Variants in MBTPS1 observed in about 807,000 individuals in gnomAD.
MBTPS1 encodes the protein membrane-bound transcription factor site-1 protease.
A neutral mutation model predicts 127.8 loss-of-function variants in MBTPS1; 94 were observed. The observed-to-expected ratio is 0.74, with a 90% confidence interval of 0.62 to 0.87. MBTPS1 has a LOEUF of 0.87. MBTPS1 is among the 40% of genes least tolerant of loss of function. The pLI, the probability that MBTPS1 is intolerant of heterozygous loss-of-function variation, is 0.00. For missense variants in MBTPS1, 1,636 were observed against 1,353.2 expected (o/e 1.21, Z -3.28); for synonymous variants, 632 against 509.4 (o/e 1.24, Z -3.24).
At chr16:84,094,873 A>G (rs747614568) in intron 4 of MBTPS1, among the ~76,000 whole-genome samples, 10 of 152,230 alleles carry the variant, frequency 6.6e-5, no homozygotes, top group African/African-American at 2.2e-4. Flanking sequence ...AGGAGATCAA[A>G]GGAGAGGTAA....
rs143303420 is a variant in MBTPS1 at position 84,063,852 on chromosome 16, G to A, written c.2432-407C>T. Among the ~76,000 whole-genome samples, 8 of 152,232 alleles carry A rather than the reference G, an allele frequency of 5.3e-5. No homozygotes were observed. The East Asian group carries it at 1.4e-3, about 26-fold the overall frequency. On this transcript the variant is annotated intron_variant, in intron 18 of 22. Coordinates refer to ENST00000343411, the MANE Select transcript of MBTPS1 (RefSeq NM_003791.4). Reference sequence around the variant, plus strand: ...CCAGCAGATCTTGCTAAACACACAGGTTTCTCTATGAATACAGTCATATAT... The same window carrying A: ...CCAGCAGATCTTGCTAAACACACAGATTTCTCTATGAATACAGTCATATAT...
chr16:84,067,642 A>G (rs1158293688), intron 16 of MBTPS1, 25 bp downstream of exon 16: 1 of 1,289,760 alleles, frequency 7.8e-7, no homozygotes, highest in African/African-American at 1.5e-5. Context: ...AGTCTTATCC[A>G]AATACCAATG....
intron 1 of MBTPS1, among the ~76,000 whole-genome samples, chr16:84,102,674 T>C (rs1406418369): frequency 2.0e-5 from 3 of 152,250 alleles, no homozygotes; most frequent in Admixed American, 2.0e-4. Flanking sequence ...TTGGCACTTT[T>C]ACTTCCCACA....
intron 18 of MBTPS1, among the ~76,000 whole-genome samples, chr16:84,065,394 T>TA: frequency 6.6e-6 from 1 of 152,196 alleles, no homozygotes; most frequent in Non-Finnish European, 1.5e-5. Flanking sequence ...TGGGTACCAT[T>TA]CAAGTAATAT....
chr16:84,084,629 C>G (rs747418158), intron 10 of MBTPS1, among the ~76,000 whole-genome samples: 2 of 152,162 alleles, frequency 1.3e-5, no homozygotes, highest in Non-Finnish European at 2.9e-5. Context: ...AAATATCTTA[C>G]TATTTGTTCC....
At chr16:84,111,570 A>G (rs2086397720) in intron 1 of MBTPS1, among the ~76,000 whole-genome samples, 1 of 151,984 alleles carries the variant, frequency 6.6e-6, no homozygotes. Context: ...GAAAGCAATC[A>G]AGAGGTTGAG....
At chr16:84,113,590 C>A (rs767534335) in intron 1 of MBTPS1, among the ~76,000 whole-genome samples, 1 of 152,228 alleles carries the variant, frequency 6.6e-6, no homozygotes, top group Non-Finnish European at 1.5e-5. Context: ...CTCCCACTTA[C>A]AATTTTCACA....
intron 9 of MBTPS1, among the ~76,000 whole-genome samples, chr16:84,086,812 C>G (rs2086034771): frequency 6.6e-6 from 1 of 152,190 alleles, no homozygotes; most frequent in Non-Finnish European, 1.5e-5. Flanking sequence ...CAAACTTTGA[C>G]AGGTAAAGGT....
At chr16:84,097,836 T>TTGTG (rs1567499373) in intron 3 of MBTPS1, among the ~76,000 whole-genome samples, 8 of 85,248 alleles carry the variant, frequency 9.4e-5, no homozygotes, top group African/African-American at 1.7e-4. Context: ...AAACTTCTCT[T>TTGTG]CGTGTGTGTG....
At chr16:84,083,707 C>A (rs2085975440) in intron 10 of MBTPS1, among the ~76,000 whole-genome samples, 3 of 152,070 alleles carry the variant, frequency 2.0e-5, no homozygotes, top group Admixed American at 6.5e-5. Flanking sequence ...ATACTATTTG[C>A]CTATATTAAT....
rs538155973 is a variant in MBTPS1, at chr16:84,084,053, G to A, written c.1286+930C>T. On this transcript the variant is annotated intron_variant, in intron 10 of 22. Coordinates refer to ENST00000343411, the MANE Select transcript of MBTPS1 (RefSeq NM_003791.4). ...CAGTTCACTGCAGCCTCCTCCTCCC[G>A]GGTTCAAGCAATTTTCCTGCCTCAA... is the stretch of plus-strand genomic sequence containing the variant. Among the ~76,000 whole-genome samples the A allele has an allele frequency of 4.6e-5, 7 of 152,246 alleles. No individual in the cohort carries two copies. In the East Asian group the frequency reaches 5.8e-4, roughly 13 times the overall value.
intron 7 of MBTPS1, among the ~76,000 whole-genome samples, chr16:84,091,216 T>G (rs1468869056): frequency 1.3e-5 from 2 of 152,156 alleles, no homozygotes; most frequent in Admixed American, 6.5e-5. Flanking sequence ...CAGGGCATGG[T>G]GGCTCACGCC....
At chr16:84,070,546 C>T (rs755613769) in intron 13 of MBTPS1, 42 bp downstream of exon 13, 2 of 1,599,310 alleles carry the variant, frequency 1.3e-6, no homozygotes, top group Non-Finnish European at 1.7e-6. Context: ...AAGGTGATGT[C>T]AAACAGCTAA....
At position 84,083,885 on chromosome 16, in the gene MBTPS1, T is replaced by G. The variant is rs372848456; in HGVS notation, c.1286+1098A>C. 9.4e-4 allele frequency among the ~76,000 whole-genome samples: 143 copies of G among 152,122 alleles called. 4 individuals carry two copies. In the South Asian group the frequency reaches 0.027, roughly 29 times the overall value. On this transcript the variant is annotated intron_variant, in intron 10 of 22. Transcript: ENST00000343411. ...AAAGACATCCTTTTACAACTGAGAG[T>G]AAAGAAACACGGGCCACCGATGAAA...
intron 3 of MBTPS1, among the ~76,000 whole-genome samples, chr16:84,097,837 C>CATGT (rs1555512917): frequency 7.0e-6 from 1 of 143,026 alleles, no homozygotes; most frequent in Non-Finnish European, 1.5e-5. Context: ...AACTTCTCTT[C>CATGT]GTGTGTGTGT....
chr16:84,104,460 C>A (rs982579921), intron 1 of MBTPS1, among the ~76,000 whole-genome samples: 1 of 152,066 alleles, frequency 6.6e-6, no homozygotes, highest in African/African-American at 2.4e-5. Flanking sequence ...GAGACTCTCT[C>A]TCCACTTAAA....
chr16:84,081,406 C>A (rs532016984), intron 11 of MBTPS1: 12 of 163,572 alleles, frequency 7.3e-5, no homozygotes, highest in Non-Finnish European at 1.1e-4. Context: ...TCAGGGGAAA[C>A]TGGGCAACCT....
intron 2 of MBTPS1, among the ~76,000 whole-genome samples, chr16:84,100,056 A>T (rs1342567692): frequency 6.6e-6 from 1 of 152,232 alleles, no homozygotes; most frequent in East Asian, 1.9e-4. Context: ...ACTTTAGAAC[A>T]TAAACATTCT....
At chr16:84,097,299 C>G (rs573162526) in intron 3 of MBTPS1, among the ~76,000 whole-genome samples, 3 of 152,330 alleles carry the variant, frequency 2.0e-5, no homozygotes, top group Middle Eastern at 6.8e-3. Flanking sequence ...ATCTTGAACA[C>G]TCTACTAAGC....
Sources: allele counts gnomAD v4.1 joint callset (sites outside exome capture counted in the v4.1 genomes callset), GRCh38; gene constraint gnomAD v4.1.1; transcripts MANE v1.5; gene names NCBI Gene and HGNC (gene_info 2026-07-23, HGNC 2026-07-21).